TACR3: variants seen among roughly 807,000 people sequenced by gnomAD.
TACR3 encodes the protein neuromedin-K receptor.
Under a neutral mutation model 35.0 loss-of-function variants are expected in TACR3, and 34 were observed. That is an observed-to-expected ratio of 0.97 (90% CI 0.74 to 1.30). The LOEUF (loss-of-function observed/expected upper bound fraction) is 1.30, where lower values mean the gene tolerates loss of function less well. Ranked by LOEUF, TACR3 falls within the 50% of genes most tolerant of loss-of-function variation. TACR3 has a pLI of 0.00. For missense variants in TACR3, 558 were observed against 591.7 expected (o/e 0.94, Z 0.59); for synonymous variants, 233 against 221.1 (o/e 1.05, Z -0.48).
intron 3 of TACR3, among the ~76,000 whole-genome samples, chr4:103,603,865 C>G (rs773284208): frequency 9.1e-4 from 138 of 152,256 alleles, no homozygotes; most frequent in Non-Finnish European, 1.5e-3. Flanking sequence ...GATCACCGAA[C>G]TACAAACCAC....
intron 1 of TACR3, among the ~76,000 whole-genome samples, chr4:103,702,017 A>G (rs1176459689): frequency 6.6e-6 from 1 of 152,182 alleles, no homozygotes; most frequent in Non-Finnish European, 1.5e-5. Flanking sequence ...AAAACACCAA[A>G]AGCAATGGCA....
At chr4:103,672,456 A>G (rs1446824755) in intron 1 of TACR3, among the ~76,000 whole-genome samples, 1 of 152,186 alleles carries the variant, frequency 6.6e-6, no homozygotes, top group East Asian at 1.9e-4. Context: ...CATTAATCTC[A>G]TATATCTCTA....
chr4:103,638,617 A>C (rs950111158), intron 3 of TACR3, among the ~76,000 whole-genome samples: 1 of 152,084 alleles, frequency 6.6e-6, no homozygotes, highest in Non-Finnish European at 1.5e-5. Context: ...AAAAGCTTCT[A>C]CACAGCAAAA....
In TACR3 at chr4:103,633,763, G is replaced by A. The variant is rs79223450; in HGVS notation, c.888+22431C>T. 1.3e-3 allele frequency among the ~76,000 whole-genome samples: 197 copies of A among 152,168 alleles called. 1 individual carries two copies. Among genetic ancestry groups the A allele is most frequent in the South Asian group, 5.4e-3 (26 of 4,824 alleles). ...GCTAATTTCTATTTTCAGTTGAATCGTTTAAAAAATAGCCAGGTGTTTTCC... is the reference window on the plus strand; with the variant it reads ...GCTAATTTCTATTTTCAGTTGAATCATTTAAAAAATAGCCAGGTGTTTTCC... On this transcript the variant is annotated intron_variant, in intron 3 of 4. Coordinates refer to ENST00000304883, the MANE Select transcript of TACR3 (RefSeq NM_001059.3).
At chr4:103,636,509 G>A (rs1164173026) in intron 3 of TACR3, among the ~76,000 whole-genome samples, 1 of 151,902 alleles carries the variant, frequency 6.6e-6, no homozygotes, top group Non-Finnish European at 1.5e-5. Context: ...CTCATAATAC[G>A]TAAATAATAC....
At chr4:103,635,440 A>G (rs1311662253) in intron 3 of TACR3, among the ~76,000 whole-genome samples, 1 of 151,904 alleles carries the variant, frequency 6.6e-6, no homozygotes, top group Non-Finnish European at 1.5e-5. Flanking sequence ...TCCCACCCCT[A>G]CCCCTGTGCA....
At chr4:103,604,308 A>C (rs777499868) in intron 3 of TACR3, among the ~76,000 whole-genome samples, 18 of 152,240 alleles carry the variant, frequency 1.2e-4, no homozygotes, top group East Asian at 1.9e-4. Context: ...CCTATTTAAT[A>C]AATGGTGCTG....
chr4:103,637,362 G>A (rs1725216828), intron 3 of TACR3, among the ~76,000 whole-genome samples: 1 of 152,086 alleles, frequency 6.6e-6, no homozygotes, highest in Admixed American at 6.6e-5. Flanking sequence ...AATAGATGCA[G>A]GAAAGGCCTT....
intron 1 of TACR3, among the ~76,000 whole-genome samples, chr4:103,696,283 TC>T (rs1722518789): frequency 6.6e-6 from 1 of 152,166 alleles, no homozygotes; most frequent in East Asian, 1.9e-4. Flanking sequence ...AATACAATTT[TC>T]CTGTAATCTT....
chr4:103,607,209 G>T (rs1019359907), intron 3 of TACR3, among the ~76,000 whole-genome samples: 1 of 151,972 alleles, frequency 6.6e-6, no homozygotes, highest in East Asian at 1.9e-4. Context: ...ACAGATATGC[G>T]GTATTGTTAA....
intron 4 of TACR3, 193 bp downstream of exon 4, chr4:103,591,294 T>G: frequency 1.6e-6 from 1 of 633,638 alleles, no homozygotes; most frequent in Non-Finnish European, 2.8e-6. Context: ...GGGCATCTAA[T>G]TATTAATGTG....
chr4:103,591,573 G>A lies in TACR3; in HGVS notation c.999C>T (p.Tyr333=), dbSNP rs759518231. 2 of 1,613,872 alleles carry A rather than the reference G, an allele frequency of 1.2e-6. No homozygotes were observed. The highest frequency in any genetic ancestry group is 2.2e-5 in the East Asian group (1 of 44,846). ...AIYQQLNRWK[Y]IQQVYLASFW... ...AGCTAGCCAGGTAGACCTGCTGGAT[G>A]TATTTCCATCTATTTAGTTGTTGAT... The change falls in exon 4 of 5, where the codon TAC becomes TAT. Residue 333 remains tyrosine, a synonymous_variant. Coordinates refer to ENST00000304883, the MANE Select transcript of TACR3 (RefSeq NM_001059.3).
intron 3 of TACR3, among the ~76,000 whole-genome samples, chr4:103,616,320 T>G (rs74986492): frequency 8.3e-6 from 1 of 121,132 alleles, no homozygotes; most frequent in Non-Finnish European, 1.8e-5. Flanking sequence ...GTGTGTGTGT[T>G]TGTGTATCAC....
chr4:103,652,696 G>C lies in TACR3; in HGVS notation c.888+3498C>G, dbSNP rs1725648871. 3.3e-5 allele frequency among the ~76,000 whole-genome samples: 5 copies of C among 152,048 alleles called. No homozygotes were observed. In the South Asian group the frequency reaches 1.0e-3, roughly 32 times the overall value. On this transcript the variant is annotated intron_variant, in intron 3 of 4. Transcript: ENST00000304883. ...CTCTTATTATTAAGAGTCTGGCTCAGAGTAGTGTATAGAATTGTTTTTCCC... is the reference window on the plus strand; with the variant it reads ...CTCTTATTATTAAGAGTCTGGCTCACAGTAGTGTATAGAATTGTTTTTCCC...
intron 1 of TACR3, among the ~76,000 whole-genome samples, chr4:103,668,012 A>G (rs1380295509): frequency 2.6e-5 from 4 of 152,108 alleles, no homozygotes; most frequent in Non-Finnish European, 5.9e-5. Context: ...TATTTTTAGT[A>G]GAGATAGTGG....
In TACR3 at chr4:103,719,820, T is replaced by G; in HGVS notation, c.-145A>C. 9.1e-7 allele frequency: 1 copy of G among 1,095,190 alleles called. No homozygotes were observed. The highest frequency in any genetic ancestry group is 1.3e-6 in the Non-Finnish European group (1 of 759,354). 67.8% of individuals were successfully genotyped at this position (1,095,190 alleles called of 1,614,324 possible). A position where few individuals can be genotyped will look rare whatever the true frequency, so the allele number is the denominator to read the frequency against. On this transcript the variant is annotated 5_prime_UTR_variant, in exon 1 of 5. Transcript: ENST00000304883. Reference sequence around the variant, plus strand: ...GGAAGCTGAAAGATACTGCAATCCCTGCTGGTTAGGGGATGCAGCTGGGGC... The same window carrying G: ...GGAAGCTGAAAGATACTGCAATCCCGGCTGGTTAGGGGATGCAGCTGGGGC...
At chr4:103,599,593 G>T (rs1724136900) in intron 3 of TACR3, among the ~76,000 whole-genome samples, 1 of 152,136 alleles carries the variant, frequency 6.6e-6, no homozygotes, top group African/African-American at 2.4e-5. Flanking sequence ...CTGTGGGTTT[G>T]TCATAGATAG....
chr4:103,693,780 CT>C (rs139758784), intron 1 of TACR3, among the ~76,000 whole-genome samples: 2,514 of 151,956 alleles, frequency 0.017, 78 homozygotes, highest in African/African-American at 0.057. Flanking sequence ...ATGTTTTTCC[CT>C]GTATTCTGAT....
intron 1 of TACR3, among the ~76,000 whole-genome samples, chr4:103,668,292 A>G (rs929812987): frequency 1.3e-5 from 2 of 152,190 alleles, no homozygotes; most frequent in Admixed American, 1.3e-4. Flanking sequence ...ACTGTAGTCT[A>G]TCAAGTGTGC....
Sources: allele counts gnomAD v4.1 joint callset (sites outside exome capture counted in the v4.1 genomes callset), GRCh38; gene constraint gnomAD v4.1.1; transcripts MANE v1.5; gene names NCBI Gene and HGNC (gene_info 2026-07-23, HGNC 2026-07-21).